The following TTBK2 variants were observed in gnomAD, a reference collection of about 807,000 sequenced individuals.
TTBK2 encodes the protein tau-tubulin kinase 2.
Under a neutral mutation model 110.8 loss-of-function variants are expected in TTBK2, and 28 were observed. The observed-to-expected ratio is 0.25, with a 90% CI of 0.19 to 0.35. The LOEUF (loss-of-function observed/expected upper bound fraction) is 0.35. TTBK2 is among the 10% of genes least tolerant of loss of function. TTBK2 has a pLI of 1.00. For missense variants in TTBK2, 1,369 were observed against 1,500.3 expected, an observed-to-expected ratio of 0.91 and a Z score of 1.45; for synonymous variants, 532 against 527.3, an observed-to-expected ratio of 1.01 and a Z score of -0.12.
intron 2 of TTBK2, among the ~76,000 whole-genome samples, chr15:42,874,105 T>A (rs1894716560): frequency 6.6e-6 from 1 of 152,206 alleles, no homozygotes; most frequent in African/African-American, 2.4e-5. Context: ...TGAAATAACT[T>A]GTTTTCAAAC....
chr15:42,750,769 C>T (rs1341821950), intron 14 of TTBK2, among the ~76,000 whole-genome samples: 1 of 152,080 alleles, frequency 6.6e-6, no homozygotes, highest in Non-Finnish European at 1.5e-5. Flanking sequence ...AGAAGCTCAA[C>T]AAACTCGAAG....
intron 3 of TTBK2, among the ~76,000 whole-genome samples, chr15:42,847,073 T>A (rs1159508473): frequency 6.6e-6 from 1 of 152,108 alleles, no homozygotes; most frequent in East Asian, 1.9e-4. Context: ...AGCACGTTAA[T>A]CAAACCCAAG....
rs982816782 is a variant in TTBK2 at position 42,741,433 on chromosome 15, T to G, written c.*4362A>C. On this transcript the variant is annotated 3_prime_UTR_variant, in exon 15 of 15. Transcript: ENST00000267890. ...GTAATACTTTTGTGTGGTATCATTC[T>G]GCTAATATATTGTCCACAGGGCCAA... 6.6e-6 allele frequency: 1 copy of G among 152,244 alleles called. No individual in the cohort carries two copies. The allele number at this position is 152,244 out of a possible 1,614,324, so 9.4% of individuals were successfully genotyped here. A position where few individuals can be genotyped will look rare whatever the true frequency, so the allele number is the denominator to read the frequency against.
chr15:42,882,655 A>C (rs969089733), intron 1 of TTBK2, among the ~76,000 whole-genome samples: 41 of 152,086 alleles, frequency 2.7e-4, no homozygotes, highest in African/African-American at 9.6e-4. Flanking sequence ...GATAAAAATA[A>C]TATATTACTT....
intron 7 of TTBK2, among the ~76,000 whole-genome samples, chr15:42,815,958 A>AAAATATAT (rs71108183): frequency 1.2e-4 from 11 of 91,712 alleles, no homozygotes; most frequent in African/African-American, 6.2e-4. Flanking sequence ...TTAAAAAAAA[A>AAAATATAT]ATATATATAT....
Position 42,870,765 on chromosome 15 carries a change from G to A in TTBK2, c.217+1846C>T, listed in dbSNP as rs542448889. Reference sequence around the variant, plus strand: ...AGTCCCAGCTACTCAGGAGGCTGAGGCAGGAGAATCGCTTGAACCCCAGAG... The same window carrying A: ...AGTCCCAGCTACTCAGGAGGCTGAGACAGGAGAATCGCTTGAACCCCAGAG... On this transcript the variant is annotated intron_variant, in intron 3 of 14. Transcript: ENST00000267890. Among the ~76,000 whole-genome samples the A allele has an allele frequency of 2.0e-5, 3 of 151,110 alleles. No homozygotes were observed. In the South Asian group the frequency reaches 6.3e-4, roughly 32 times the overall value.
intron 7 of TTBK2, among the ~76,000 whole-genome samples, chr15:42,815,909 TA>T (rs1280103180): frequency 9.7e-6 from 1 of 103,188 alleles, no homozygotes. Context: ...TATATATATT[TA>T]AAAATATATA....
chr15:42,799,484 A>G (rs1891086048), intron 9 of TTBK2, among the ~76,000 whole-genome samples: 1 of 152,040 alleles, frequency 6.6e-6, no homozygotes. Context: ...CCCAGGCTGG[A>G]GTGCAGTGGT....
chr15:42,773,418 C>T (rs1889763153), intron 13 of TTBK2, among the ~76,000 whole-genome samples: 1 of 147,762 alleles, frequency 6.8e-6, no homozygotes, highest in South Asian at 2.3e-4. Context: ...ACCTGGGCAA[C>T]AGAGTGAGAC....
chr15:42,830,736 T>C (rs182681341), intron 4 of TTBK2, among the ~76,000 whole-genome samples: 2 of 152,148 alleles, frequency 1.3e-5, no homozygotes, highest in Non-Finnish European at 2.9e-5. Flanking sequence ...CCAGGAGCAG[T>C]GGCTCACGCC....
At chr15:42,773,477 T>C (rs1450675230) in intron 13 of TTBK2, among the ~76,000 whole-genome samples, 1 of 151,406 alleles carries the variant, frequency 6.6e-6, no homozygotes, top group Admixed American at 6.6e-5. Flanking sequence ...GAAAAATAAT[T>C]CAAAGATATC....
chr15:42,902,757 C>T (rs1299232468), intron 1 of TTBK2, among the ~76,000 whole-genome samples: 1 of 152,028 alleles, frequency 6.6e-6, no homozygotes, highest in African/African-American at 2.4e-5. Flanking sequence ...CTTTGCAGGG[C>T]CGAGGTGGGA....
Position 42,817,076 on chromosome 15 carries a change from G to A in TTBK2, c.559C>T (p.Arg187Ter), listed in dbSNP as rs754764466. ...VRPPRAVAGF[R>*]GTVRYASINA... ...ATTGATGCATAACGAACTGTCCCTCGAAAACCTGCCACAGCTCGAGGCTAC... is the reference window on the plus strand; with the variant it reads ...ATTGATGCATAACGAACTGTCCCTCAAAAACCTGCCACAGCTCGAGGCTAC... The change falls in exon 7 of 15, where the codon CGA becomes TGA. Residue 187 changes from arginine (R) to a stop codon, truncating the protein, a stop_gained. Coordinates refer to ENST00000267890, the MANE Select transcript of TTBK2 (RefSeq NM_173500.4). LOFTEE classifies it high-confidence loss of function. 1.9e-6 allele frequency: 3 copies of A among 1,607,930 alleles called. No homozygotes were observed. Among genetic ancestry groups the A allele is most frequent in the East Asian group, 2.2e-5 (1 of 44,484 alleles).
intron 9 of TTBK2, among the ~76,000 whole-genome samples, chr15:42,798,075 G>C (rs1171455676): frequency 2.0e-5 from 3 of 151,828 alleles, no homozygotes; most frequent in Non-Finnish European, 2.9e-5. Flanking sequence ...GTAGAGACGG[G>C]GTTTCACCAT....
intron 4 of TTBK2, among the ~76,000 whole-genome samples, chr15:42,839,069 G>A (rs549259604): frequency 2.6e-5 from 4 of 152,112 alleles, no homozygotes; most frequent in Admixed American, 6.5e-5. Context: ...GTATCCAACA[G>A]GTAGTTTTTC....
At chr15:42,827,675 G>A (rs995279732) in intron 6 of TTBK2, among the ~76,000 whole-genome samples, 5 of 152,068 alleles carry the variant, frequency 3.3e-5, no homozygotes, top group Admixed American at 2.0e-4. Context: ...CTGCAAAAAT[G>A]ACCCCTAATC....
chr15:42,744,943 A>G lies in TTBK2; in HGVS notation c.*852T>C, dbSNP rs957239867. On this transcript the variant is annotated 3_prime_UTR_variant, in exon 15 of 15. Coordinates refer to ENST00000267890, the MANE Select transcript of TTBK2 (RefSeq NM_173500.4). ...GTTTCTAAAGGAGGACACTTAACAG[A>G]GATGAAAGGGCATCTTCTATCTTGA... The G allele has an allele frequency of 6.5e-6, 1 of 154,350 alleles. No homozygotes were observed. The highest frequency in any genetic ancestry group is 2.4e-5 in the African/African-American group (1 of 41,528). 9.6% of individuals were successfully genotyped at this position (154,350 alleles called of 1,614,324 possible).
At chr15:42,805,181 T>A (rs961561150) in intron 9 of TTBK2, among the ~76,000 whole-genome samples, 1 of 152,184 alleles carries the variant, frequency 6.6e-6, no homozygotes, top group Non-Finnish European at 1.5e-5. Flanking sequence ...TTACATTCAA[T>A]AGAAGCAATA....
rs1221752325 is a variant in TTBK2, at chr15:42,739,547, T to A, written c.*6248A>T. ...CAGAAGGTAGACCAGGAACTATGTATCAAGGAGAAGTAAGTGAGGCTCAAG... is the reference window on the plus strand; with the variant it reads ...CAGAAGGTAGACCAGGAACTATGTAACAAGGAGAAGTAAGTGAGGCTCAAG... On this transcript the variant is annotated 3_prime_UTR_variant, in exon 15 of 15. Transcript: ENST00000267890. 2.0e-5 allele frequency: 3 copies of A among 152,236 alleles called. No individual in the cohort carries two copies. Among genetic ancestry groups the A allele is most frequent in the Non-Finnish European group, 4.4e-5 (3 of 68,060 alleles). The allele number at this position is 152,236 out of a possible 1,614,324, so 9.4% of individuals were successfully genotyped here.
Sources: allele counts gnomAD v4.1 joint callset (sites outside exome capture counted in the v4.1 genomes callset), GRCh38; gene constraint gnomAD v4.1.1; transcripts MANE v1.5; gene names NCBI Gene and HGNC (gene_info 2026-07-23, HGNC 2026-07-21).